VPS8: variants seen among roughly 807,000 people sequenced by gnomAD.
The protein encoded by VPS8 is VPS8 subunit of CORVET complex, also known as vacuolar protein sorting-associated protein 8 homolog.
In VPS8, 129 loss-of-function variants were observed where a neutral mutation model predicts 216.4. The ratio of observed to expected loss-of-function variants is 0.60; its 90% CI spans 0.52 to 0.69. The LOEUF is 0.69. VPS8 is among the 30% of genes least tolerant of loss of function. The pLI is 0.00. For missense variants in VPS8, 1,531 were observed against 1,683.5 expected (o/e 0.91, Z 1.59); for synonymous variants, 571 against 565.4 (o/e 1.01, Z -0.14).
chr3:184,880,310 C>A (rs1730053119), intron 21 of VPS8, among the ~76,000 whole-genome samples: 1 of 152,150 alleles, frequency 6.6e-6, no homozygotes, highest in Admixed American at 6.5e-5. Flanking sequence ...ACACCCACTT[C>A]TCTTCTGCTC....
rs576533220 is a variant in VPS8 at position 184,968,337 on chromosome 3, A to G, written c.3316+1624A>G. Reference sequence around the variant, plus strand: ...TTTGTCTATTATGACTAATGCCTCTATGAGCATGAATGTACAGTGTCTCTT... The same window carrying G: ...TTTGTCTATTATGACTAATGCCTCTGTGAGCATGAATGTACAGTGTCTCTT... On this transcript the variant is annotated intron_variant, in intron 39 of 47. Transcript: ENST00000625842. Among the ~76,000 whole-genome samples, 8 of 152,288 alleles carry G rather than the reference A, an allele frequency of 5.3e-5. No homozygotes were observed. In the East Asian group the frequency reaches 9.6e-4, roughly 18 times the overall value.
intron 37 of VPS8, among the ~76,000 whole-genome samples, chr3:184,961,577 C>T (rs1485288219): frequency 6.6e-6 from 1 of 152,080 alleles, no homozygotes; most frequent in African/African-American, 2.4e-5. Context: ...CTGAGGTCTC[C>T]ACCATCCTAA....
At chr3:184,932,052 C>G (rs1207279697) in intron 34 of VPS8, among the ~76,000 whole-genome samples, 1 of 152,056 alleles carries the variant, frequency 6.6e-6, no homozygotes, top group Non-Finnish European at 1.5e-5. Context: ...CTAGTTTTTC[C>G]CACATCTGCA....
chr3:184,864,159 G>A lies in VPS8; in HGVS notation c.1395+1092G>A, dbSNP rs1219515365. Among the ~76,000 whole-genome samples the A allele has an allele frequency of 2.0e-5, 3 of 151,644 alleles. No individual in the cohort carries two copies. In the East Asian group the frequency reaches 5.8e-4, roughly 29 times the overall value. On this transcript the variant is annotated intron_variant, in intron 16 of 47. Transcript: ENST00000625842. ...GGAGAAGGGAGGGGGAGGGGAAGGG[G>A]GAAGGAAGAAGAAGAAGAAAAGTAA...
At chr3:184,903,915 A>G (rs1328555424) in intron 25 of VPS8, among the ~76,000 whole-genome samples, 1 of 152,136 alleles carries the variant, frequency 6.6e-6, no homozygotes, top group Non-Finnish European at 1.5e-5. Flanking sequence ...TTAGGTCTTC[A>G]TTAATTTTTT....
intron 36 of VPS8, among the ~76,000 whole-genome samples, chr3:184,943,639 C>T (rs538323624): frequency 2.0e-5 from 3 of 152,138 alleles, no homozygotes; most frequent in Admixed American, 6.5e-5. Context: ...AGGTTTTTTC[C>T]GCCATGAAAC....
At position 184,971,741 on chromosome 3, in the gene VPS8, C is replaced by G. The variant is rs1577025494; in HGVS notation, c.3409C>G (p.Gln1137Glu). 1.9e-6 allele frequency: 3 copies of G among 1,612,544 alleles called. No homozygotes were observed. The East Asian group carries it at 6.7e-5, about 36-fold the overall frequency. Residue 1137 changes from glutamine (Q) to glutamate (E), a missense_variant, in exon 40 of 48, where the codon CAG becomes GAG. By Grantham distance (29) the Gln-to-Glu change is conservative. Around this residue, in one of 3 missense-constraint regions of VPS8, gnomAD observed 1,318 missense variants for 1,468.4 expected, o/e 0.90. Coordinates refer to ENST00000625842, the MANE Select transcript of VPS8 (RefSeq NM_001009921.3). ...CQRNSHNLNQ[Q>E]QREALWFPLL... ...GAGAAATTCACATAATTTGAACCAG[C>G]AGCAACGTGAGGTAGGAGAATGACT...
At chr3:184,926,677 T>TA (rs753677057) in intron 31 of VPS8, 27 bp downstream of exon 31, 111 of 1,576,438 alleles carry the variant, frequency 7.0e-5, no homozygotes, top group Non-Finnish European at 9.1e-5. Flanking sequence ...CTCTTTTTGC[T>TA]AAAAAATAGG....
intron 46 of VPS8, among the ~76,000 whole-genome samples, chr3:185,047,206 C>T (rs1316980977): frequency 1.3e-5 from 2 of 152,198 alleles, no homozygotes; most frequent in African/African-American, 2.4e-5. Flanking sequence ...TGGCTCTGTG[C>T]GCAGTACCTG....
At chr3:184,984,299 T>C (rs1750727908) in intron 42 of VPS8, among the ~76,000 whole-genome samples, 1 of 148,092 alleles carries the variant, frequency 6.8e-6, no homozygotes, top group African/African-American at 2.5e-5. Flanking sequence ...AGAATACTTT[T>C]TTTTTTTTTT....
At chr3:184,962,761 G>C (rs7628042) in intron 37 of VPS8, among the ~76,000 whole-genome samples, 1 of 93,012 alleles carries the variant, frequency 1.1e-5, no homozygotes, top group Non-Finnish European at 2.5e-5. Flanking sequence ...GTGTGTGTGT[G>C]TGTGTCTTAT....
chr3:184,962,005 G>A (rs185769615), intron 37 of VPS8, among the ~76,000 whole-genome samples: 161 of 152,242 alleles, frequency 1.1e-3, no homozygotes, highest in East Asian at 0.01. Flanking sequence ...CAAGAGATCC[G>A]CCCACCTTGG....
chr3:185,006,059 A>G (rs190286291), intron 45 of VPS8, among the ~76,000 whole-genome samples: 1 of 152,328 alleles, frequency 6.6e-6, no homozygotes, highest in Non-Finnish European at 1.5e-5. Flanking sequence ...GACAGGAGAG[A>G]TGACCCAACA....
chr3:185,024,283 C>A, intron 45 of VPS8, 53 bp from the exon 46 acceptor site: 1 of 1,503,912 alleles, frequency 6.6e-7, no homozygotes, highest in Non-Finnish European at 9.0e-7. Context: ...GTGGGTCAGA[C>A]AAAACTAGAC....
chr3:184,842,186 C>CAAAAAAAAGA (rs1722284354), intron 7 of VPS8, among the ~76,000 whole-genome samples: 1 of 48,992 alleles, frequency 2.0e-5, no homozygotes, highest in Non-Finnish European at 3.5e-5. Flanking sequence ...GACTCCGTCT[C>CAAAAAAAAGA]AAAAAAAAAA....
At chr3:185,022,443 A>T (rs1242566440) in intron 45 of VPS8, among the ~76,000 whole-genome samples, 1 of 152,238 alleles carries the variant, frequency 6.6e-6, no homozygotes, top group Non-Finnish European at 1.5e-5. Context: ...TTGCAGAAGG[A>T]TGTTTGATAA....
chr3:184,822,274 A>C (rs187483590), intron 1 of VPS8, among the ~76,000 whole-genome samples: 60 of 152,252 alleles, frequency 3.9e-4, no homozygotes, highest in African/African-American at 1.4e-3. Flanking sequence ...TTGCCAGCAC[A>C]TTACATTGGT....
At chr3:184,860,764 C>G (rs183794790) in intron 15 of VPS8, among the ~76,000 whole-genome samples, 1 of 151,080 alleles carries the variant, frequency 6.6e-6, no homozygotes, top group African/African-American at 2.4e-5. Flanking sequence ...TTTTTTCTTG[C>G]GGCTAAAAAC....
At chr3:184,865,509 G>T (rs1727171372) in intron 16 of VPS8, among the ~76,000 whole-genome samples, 1 of 152,114 alleles carries the variant, frequency 6.6e-6, no homozygotes, top group Non-Finnish European at 1.5e-5. Flanking sequence ...ACATCATTAG[G>T]TATTAGGGAA....
Sources: gnomAD v4.1 joint callset for allele counts (sites outside exome capture counted in the v4.1 genomes callset) on GRCh38, gnomAD v4.1.1 for gene constraint, gnomAD v4.1.1 regional missense constraint, MANE v1.5 for transcripts, NCBI Gene and HGNC (gene_info 2026-07-23, HGNC 2026-07-21) for gene names.